Variants in RAB27A observed in about 807,000 individuals in gnomAD.
RAB27A encodes RAB27A, member RAS oncogene family, also known as ras-related protein Rab-27A.
A neutral mutation model predicts 20.8 loss-of-function variants in RAB27A; 17 were observed. The ratio of observed to expected loss-of-function variants is 0.82; its 90% CI spans 0.56 to 1.23. RAB27A has a LOEUF of 1.23. Ranked by LOEUF, RAB27A falls within the 50% of genes most tolerant of loss-of-function variation. The pLI, the probability that RAB27A is intolerant of heterozygous loss-of-function variation, is 0.00. For missense variants in RAB27A, 277 were observed against 266.7 expected, an observed-to-expected ratio of 1.04 and a Z score of -0.27; for synonymous variants, 85 against 92.8, an observed-to-expected ratio of 0.92 and a Z score of 0.48.
At chr15:55,282,839 C>A (rs1898051401) in intron 1 of RAB27A, among the ~76,000 whole-genome samples, 1 of 152,146 alleles carries the variant, frequency 6.6e-6, no homozygotes, top group Non-Finnish European at 1.5e-5. Flanking sequence ...ACGAGAACCC[C>A]ATTTCGCATG....
chr15:55,284,968 T>C (rs1898109362), intron 1 of RAB27A, among the ~76,000 whole-genome samples: 1 of 152,166 alleles, frequency 6.6e-6, no homozygotes, highest in African/African-American at 2.4e-5. Context: ...CAATCATTCT[T>C]TGGACATTTT....
At chr15:55,304,023 C>G (rs1013541190) in intron 2 of RAB27A, among the ~76,000 whole-genome samples, 4 of 151,474 alleles carry the variant, frequency 2.6e-5, no homozygotes, top group African/African-American at 7.3e-5. Context: ...AATAGAAAGG[C>G]GGGAAAGGTG....
In RAB27A at chr15:55,275,759, A is replaced by T. The variant is rs574649100; in HGVS notation, c.-142-5475T>A. On this transcript the variant is annotated intron_variant, in intron 1 of 6. Transcript: ENST00000336787. ...AAAACAACCCCCAAAAGAAAAAAAA[A>T]TTTAATGGGCGAAAGACCTGAATAG... Among the ~76,000 whole-genome samples the T allele has an allele frequency of 3.1e-4, 47 of 152,124 alleles. No homozygotes were observed. In the East Asian group the frequency reaches 8.9e-3, roughly 29 times the overall value.
chr15:55,295,353 C>A (rs1485672877), intron 2 of RAB27A, among the ~76,000 whole-genome samples: 2 of 152,072 alleles, frequency 1.3e-5, no homozygotes, highest in Admixed American at 1.3e-4. Flanking sequence ...AGAACTATGC[C>A]TAAAAGAACT....
chr15:55,262,324 A>G (rs544975346), intron 2 of RAB27A, among the ~76,000 whole-genome samples: 2 of 152,064 alleles, frequency 1.3e-5, no homozygotes, highest in Non-Finnish European at 1.5e-5. Context: ...GGCGAATCAC[A>G]ATGTCAGGAG....
At chr15:55,308,176 CCTT>C (rs1566941547) in intron 2 of RAB27A, among the ~76,000 whole-genome samples, 1 of 152,036 alleles carries the variant, frequency 6.6e-6, no homozygotes, top group Non-Finnish European at 1.5e-5. Flanking sequence ...TTGGCGGTTC[CCTT>C]CTATTTCCCT....
At chr15:55,300,382 A>C (rs2054966938) in intron 2 of RAB27A, among the ~76,000 whole-genome samples, 1 of 152,134 alleles carries the variant, frequency 6.6e-6, no homozygotes, top group Non-Finnish European at 1.5e-5. Context: ...AAGGAAAGAC[A>C]AAAGGGGTGT....
At position 55,307,502 on chromosome 15, in the gene RAB27A, T is replaced by C. The variant is rs1000351752; in HGVS notation, c.-112+6537A>G. Among the ~76,000 whole-genome samples the C allele has an allele frequency of 2.6e-5, 4 of 151,986 alleles. 1 individual carries two copies. Among genetic ancestry groups the C allele is most frequent in the South Asian group, 2.1e-4 (1 of 4,820 alleles). On this transcript the variant is annotated intron_variant, in intron 2 of 5. Coordinates refer to the RAB27A transcript ENST00000563262. ...TAGGTGCAGTGTAAGTGATATTCTA[T>C]ACCTAACGCCTGGGATACTCCCTGG...
chr15:55,300,929 T>A (rs1195402944), intron 2 of RAB27A, among the ~76,000 whole-genome samples: 6 of 152,134 alleles, frequency 3.9e-5, no homozygotes, highest in African/African-American at 2.4e-5. Flanking sequence ...CACAAAAATA[T>A]GCAATAACCA....
At chr15:55,227,908 T>G (rs948637345) in intron 5 of RAB27A, among the ~76,000 whole-genome samples, 8 of 152,216 alleles carry the variant, frequency 5.3e-5, no homozygotes, top group Non-Finnish European at 1.2e-4. Context: ...TAATAGATTC[T>G]CTAGGGTTAC....
chr15:55,309,270 T>A (rs765756041), intron 2 of RAB27A, among the ~76,000 whole-genome samples: 2 of 152,204 alleles, frequency 1.3e-5, no homozygotes, highest in African/African-American at 4.8e-5. Flanking sequence ...TAAGCCAGTA[T>A]AGGCTGGATA....
chr15:55,310,285 G>A (rs551398537), intron 2 of RAB27A, among the ~76,000 whole-genome samples: 5 of 152,194 alleles, frequency 3.3e-5, no homozygotes, highest in East Asian at 1.9e-4. Flanking sequence ...AGAAGGCCAC[G>A]CCAGTGTCCA....
At chr15:55,313,102 A>G (rs997681317) in intron 2 of RAB27A, among the ~76,000 whole-genome samples, 4 of 152,216 alleles carry the variant, frequency 2.6e-5, no homozygotes, top group Non-Finnish European at 5.9e-5. Context: ...TAAAATTTTT[A>G]TAACTACTTT....
intron 3 of RAB27A, among the ~76,000 whole-genome samples, chr15:55,232,998 G>A (rs893277766): frequency 1.3e-5 from 2 of 152,028 alleles, no homozygotes; most frequent in African/African-American, 4.8e-5. Flanking sequence ...GGTGGCGGGT[G>A]CCTGTAATCC....
chr15:55,316,920 A>C (rs2055047581), intron 1 of RAB27A, among the ~76,000 whole-genome samples: 1 of 152,214 alleles, frequency 6.6e-6, no homozygotes, highest in African/African-American at 2.4e-5. Flanking sequence ...ATCTAACTGC[A>C]GGGTAACGGA....
exon 1 of RAB27A, chr15:55,319,057 G>A: frequency 3.2e-6 from 2 of 632,380 alleles, no homozygotes; most frequent in East Asian, 3.0e-5. Flanking sequence ...AAGGCGAGTA[G>A]CAATCCCTCG....
At chr15:55,273,276 G>A (rs1897759221) in intron 1 of RAB27A, among the ~76,000 whole-genome samples, 1 of 151,928 alleles carries the variant, frequency 6.6e-6, no homozygotes. Context: ...AGGCATGGTG[G>A]AGGGCACCTG....
intron 6 of RAB27A, among the ~76,000 whole-genome samples, chr15:55,221,209 A>G (rs146160091): frequency 6.6e-6 from 1 of 151,840 alleles, no homozygotes; most frequent in African/African-American, 2.4e-5. Context: ...GTCAAGCCTG[A>G]CCCTCCCCCA....
intron 2 of RAB27A, among the ~76,000 whole-genome samples, chr15:55,267,712 C>T (rs1274999248): frequency 1.3e-5 from 2 of 152,154 alleles, no homozygotes; most frequent in Non-Finnish European, 2.9e-5. Context: ...AAAAGATGAG[C>T]AGATATCTCA....
Sources: gnomAD v4.1 joint callset for allele counts (sites outside exome capture counted in the v4.1 genomes callset) on GRCh38, gnomAD v4.1.1 for gene constraint, MANE v1.5 for transcripts, NCBI Gene and HGNC (gene_info 2026-07-23, HGNC 2026-07-21) for gene names.